PALD1: variants seen among roughly 807,000 people sequenced by gnomAD.
PALD1 encodes phosphatase domain containing paladin 1.
Under a neutral mutation model 96.0 loss-of-function variants are expected in PALD1, and 57 were observed. That is an observed-to-expected ratio of 0.59 (90% CI 0.48 to 0.74). The LOEUF is 0.74. Among genes scored for constraint, PALD1 ranks in the 30% least tolerant of loss-of-function variants. The pLI is 0.00. For synonymous variants in PALD1, 464 were observed against 473.6 expected (o/e 0.98, Z 0.26); for missense variants, 1,063 against 1,143.7 (o/e 0.93, Z 1.02).
intron 17 of PALD1, among the ~76,000 whole-genome samples, chr10:70,543,061 G>GTT (rs57980012): frequency 0.02 from 2,496 of 123,036 alleles, 105 homozygotes; most frequent in African/African-American, 0.068. Flanking sequence ...GTGCCCAGCC[G>GTT]TTTTTTTTTT....
At chr10:70,525,291 C>A (rs1846832945) in intron 1 of PALD1, among the ~76,000 whole-genome samples, 1 of 152,068 alleles carries the variant, frequency 6.6e-6, no homozygotes, top group Admixed American at 6.5e-5. Flanking sequence ...GGATTATAGG[C>A]ATGAGCCACT....
intron 1 of PALD1, among the ~76,000 whole-genome samples, chr10:70,500,898 C>T (rs189680641): frequency 2.0e-5 from 3 of 152,262 alleles, no homozygotes; most frequent in Admixed American, 1.3e-4. Context: ...ACTTCCCTGC[C>T]GGGGGTCTGC....
At chr10:70,485,936 G>C (rs1174030949) in intron 1 of PALD1, 1 of 171,786 alleles carries the variant, frequency 5.8e-6, no homozygotes, top group Non-Finnish European at 1.4e-5. Flanking sequence ...CTCTGGGACT[G>C]TGGCTGTGCA....
chr10:70,498,217 A>G (rs1165334723), intron 1 of PALD1, among the ~76,000 whole-genome samples: 1 of 152,172 alleles, frequency 6.6e-6, no homozygotes, highest in Admixed American at 6.5e-5. Flanking sequence ...TAATGTCCTC[A>G]AGGTTCATCC....
At chr10:70,515,948 A>C (rs1846611755) in intron 1 of PALD1, among the ~76,000 whole-genome samples, 1 of 152,056 alleles carries the variant, frequency 6.6e-6, no homozygotes, top group Non-Finnish European at 1.5e-5. Context: ...GGGAATGAAA[A>C]CACCAACTTT....
intron 1 of PALD1, among the ~76,000 whole-genome samples, chr10:70,487,531 A>G (rs1257035070): frequency 6.6e-6 from 1 of 152,040 alleles, no homozygotes; most frequent in African/African-American, 2.4e-5. Context: ...TTTAAATAAA[A>G]TAAACCATTT....
chr10:70,460,735 A>G, the PALD1 span, among the ~76,000 whole-genome samples: 646 of 152,268 alleles, frequency 4.2e-3, 5 homozygotes, highest in African/African-American at 0.015. Context: ...GAAACCCTTC[A>G]GTGCCTCTCA....
At chr10:70,546,202 A>G (rs1847358882) in intron 17 of PALD1, among the ~76,000 whole-genome samples, 1 of 152,060 alleles carries the variant, frequency 6.6e-6, no homozygotes, top group Non-Finnish European at 1.5e-5. Flanking sequence ...TCACCACTAC[A>G]CTCCAGACTG....
intron 1 of PALD1, among the ~76,000 whole-genome samples, chr10:70,486,485 GCACTGTGGCTCA>G (rs1398487159): frequency 6.6e-6 from 1 of 152,154 alleles, no homozygotes; most frequent in Admixed American, 6.6e-5. Flanking sequence ...AGCCAGTTGG[GCACTGTGGCTCA>G]CACCTGTAAT....
At chr10:70,561,145 G>A (rs528236232) in intron 18 of PALD1, among the ~76,000 whole-genome samples, 1 of 152,340 alleles carries the variant, frequency 6.6e-6, no homozygotes, top group South Asian at 2.1e-4. Flanking sequence ...TTACCCCAGA[G>A]AATCTTTCTC....
intron 1 of PALD1, among the ~76,000 whole-genome samples, chr10:70,494,188 G>C (rs1846148537): frequency 6.6e-6 from 1 of 152,178 alleles, no homozygotes; most frequent in Non-Finnish European, 1.5e-5. Flanking sequence ...ACTTCCTTCA[G>C]TCTTTACTCT....
At chr10:70,529,657 TGGA>T (rs1241015580) in intron 3 of PALD1, among the ~76,000 whole-genome samples, 1 of 152,172 alleles carries the variant, frequency 6.6e-6, no homozygotes, top group Admixed American at 6.5e-5. Flanking sequence ...ATGTCCCCTC[TGGA>T]GGAGTTGTCT....
chr10:70,566,534 A>G, intron 19 of PALD1, 47 bp from the exon 20 acceptor site: 1 of 1,495,920 alleles, frequency 6.7e-7, no homozygotes, highest in South Asian at 1.2e-5. Flanking sequence ...CCTTAGTGGC[A>G]CCCTCCCTCC....
chr10:70,464,215 T>TTA, the PALD1 span, among the ~76,000 whole-genome samples: 150 of 145,160 alleles, frequency 1.0e-3, 2 homozygotes, highest in African/African-American at 3.5e-3. Context: ...TATCTGGCTT[T>TTA]TTTTTTTTTT....
intron 1 of PALD1, among the ~76,000 whole-genome samples, chr10:70,480,710 G>A (rs900998413): frequency 3.9e-5 from 6 of 152,206 alleles, no homozygotes; most frequent in African/African-American, 1.2e-4. Context: ...GAGCTCACCC[G>A]AAGCCCTTGG....
intron 1 of PALD1, among the ~76,000 whole-genome samples, chr10:70,518,546 A>G (rs2132334144): frequency 6.6e-6 from 1 of 152,326 alleles, no homozygotes; most frequent in East Asian, 1.9e-4. Flanking sequence ...CAGGACCCTG[A>G]TGACATGATC....
At chr10:70,530,829 G>A (rs759029525) in intron 4 of PALD1, among the ~76,000 whole-genome samples, 6 of 152,142 alleles carry the variant, frequency 3.9e-5, no homozygotes, top group Non-Finnish European at 5.9e-5. Flanking sequence ...TGCCTGTATG[G>A]TGCTCAGTGA....
At chr10:70,462,955 C>CT in the PALD1 span, among the ~76,000 whole-genome samples, 1 of 152,246 alleles carries the variant, frequency 6.6e-6, no homozygotes, top group Admixed American at 6.5e-5. Flanking sequence ...GGCATTCCCC[C>CT]AGGCCTGGGG....
intron 1 of PALD1, among the ~76,000 whole-genome samples, chr10:70,483,724 G>A (rs1337489231): frequency 6.6e-6 from 1 of 152,236 alleles, no homozygotes; most frequent in Non-Finnish European, 1.5e-5. Context: ...CGAAGATTCT[G>A]TTTGGAAAGC....
Sources: gnomAD v4.1 joint callset for allele counts (sites outside exome capture counted in the v4.1 genomes callset) on GRCh38, gnomAD v4.1.1 for gene constraint, MANE v1.5 for transcripts, NCBI Gene and HGNC (gene_info 2026-07-23, HGNC 2026-07-21) for gene names.